Variants in ANK2 observed in about 807,000 individuals in gnomAD.
The protein encoded by ANK2 is ankyrin-2.
A neutral mutation model predicts 360.5 loss-of-function variants in ANK2; 83 were observed. The ratio of observed to expected loss-of-function variants is 0.23; its 90% CI spans 0.19 to 0.28. The LOEUF (loss-of-function observed/expected upper bound fraction) is 0.28, where lower values mean the gene tolerates loss of function less well. Among genes scored for constraint, ANK2 ranks in the 10% least tolerant of loss-of-function variants. ANK2 has a pLI of 1.00. For missense variants in ANK2, 4,201 were observed against 4,795.7 expected, an observed-to-expected ratio of 0.88 and a Z score of 3.66; for synonymous variants, 1,740 against 1,759.5, an observed-to-expected ratio of 0.99 and a Z score of 0.28.
chr4:112,877,383 C>T (rs943840642), intron 1 of ANK2, among the ~76,000 whole-genome samples: 2 of 152,170 alleles, frequency 1.3e-5, no homozygotes, highest in African/African-American at 2.4e-5. Flanking sequence ...TAGCATCTTA[C>T]CTGTCATCCA....
chr4:112,888,893 T>G (rs1389343843), intron 1 of ANK2, among the ~76,000 whole-genome samples: 2 of 152,180 alleles, frequency 1.3e-5, no homozygotes, highest in African/African-American at 4.8e-5. Flanking sequence ...AGAGGATGAT[T>G]CAGAATGCTG....
chr4:113,094,532 GTGTGTGCATGCA>G (rs2090128150), intron 1 of ANK2, among the ~76,000 whole-genome samples: 1 of 151,856 alleles, frequency 6.6e-6, no homozygotes, highest in East Asian at 2.0e-4. Context: ...GTGTGTGTGT[GTGTGTGCATGCA>G]TGTGTGTGCG....
the ANK2 span, among the ~76,000 whole-genome samples, chr4:112,777,803 A>T: frequency 6.6e-6 from 1 of 150,894 alleles, no homozygotes; most frequent in Admixed American, 6.6e-5. Context: ...TTTTTAATAG[A>T]GATGGGGTTT....
In ANK2 at chr4:113,360,918, G is replaced by T; in HGVS notation, c.10756+21G>T. On this transcript the variant is annotated intron_variant, in intron 39 of 45. Coordinates refer to ENST00000357077, the MANE Select transcript of ANK2 (RefSeq NM_001148.6). ...GACAGGTAAAAAGAATGTGACCCAGGTTTTCAACAAAACCTGACATAGATG... is the reference window on the plus strand; with the variant it reads ...GACAGGTAAAAAGAATGTGACCCAGTTTTTCAACAAAACCTGACATAGATG... The T allele has an allele frequency of 2.5e-6, 4 of 1,607,100 alleles. No homozygotes were observed. The South Asian group carries it at 4.4e-5, about 18-fold the overall frequency.
intron 4 of ANK2, among the ~76,000 whole-genome samples, chr4:113,200,006 A>G (rs1343328670): frequency 2.6e-5 from 4 of 152,342 alleles, no homozygotes; most frequent in Middle Eastern, 6.8e-3. Context: ...TAGAAAATAC[A>G]AAAGGCAATG....
chr4:113,140,873 G>A (rs145158664), intron 1 of ANK2, among the ~76,000 whole-genome samples: 15,728 of 152,046 alleles, frequency 0.1, 1,004 homozygotes, highest in Non-Finnish European at 0.15. Flanking sequence ...TGCTACTTGG[G>A]AGGCTGAGGC....
At chr4:112,761,955 A>G in the ANK2 span, among the ~76,000 whole-genome samples, 2 of 152,260 alleles carry the variant, frequency 1.3e-5, no homozygotes, top group Non-Finnish European at 2.9e-5. Flanking sequence ...TGTTGTAGGA[A>G]TACAGAGAAG....
rs2066598790 is a variant in ANK2, at chr4:112,856,998, AG to A, written c.-40+38736del. Among the ~76,000 whole-genome samples, 4 of 152,236 alleles carry A rather than the reference AG, an allele frequency of 2.6e-5. No individual in the cohort carries two copies. In the South Asian group the frequency reaches 8.3e-4, roughly 32 times the overall value. ...CAGGAACTTTGCAGAAGGCAGGGCA[AG>A]GTAATCAAATATCAAGGATGGAGAG... On this transcript the variant is annotated intron_variant, in intron 1 of 30. Transcript: ENST00000503271.
intron 1 of ANK2, among the ~76,000 whole-genome samples, chr4:113,072,953 C>CTTTTTTTTT (rs77468290): frequency 3.4e-5 from 2 of 59,408 alleles, no homozygotes; most frequent in South Asian, 5.4e-4. Flanking sequence ...AGGACAGTGT[C>CTTTTTTTTT]TTTTTTTTTT....
intron 1 of ANK2, among the ~76,000 whole-genome samples, chr4:113,159,792 G>T (rs1253805033): frequency 6.9e-6 from 1 of 144,540 alleles, no homozygotes; most frequent in East Asian, 2.1e-4. Context: ...ATATATATAT[G>T]TATTTTTGTA....
At chr4:113,285,561 C>T (rs1346871539) in intron 18 of ANK2, among the ~76,000 whole-genome samples, 1 of 152,132 alleles carries the variant, frequency 6.6e-6, no homozygotes, top group Non-Finnish European at 1.5e-5. Context: ...GATGAGGAGA[C>T]ACATAGGGCA....
intron 2 of ANK2, among the ~76,000 whole-genome samples, chr4:112,924,337 C>T (rs2092192050): frequency 6.7e-6 from 1 of 149,436 alleles, no homozygotes; most frequent in African/African-American, 2.5e-5. Context: ...CACTGCACTC[C>T]AGCCTGGGAG....
intron 2 of ANK2, among the ~76,000 whole-genome samples, chr4:112,951,320 T>C (rs1488202163): frequency 1.3e-5 from 2 of 152,272 alleles, no homozygotes; most frequent in South Asian, 2.1e-4. Flanking sequence ...AATGATGTTA[T>C]AGATCTGTGT....
intron 2 of ANK2, among the ~76,000 whole-genome samples, chr4:112,934,730 C>G (rs2093587718): frequency 6.6e-6 from 1 of 152,126 alleles, no homozygotes; most frequent in Admixed American, 6.5e-5. Context: ...AATAAAATAT[C>G]CTTGCTTTCA....
At chr4:113,149,702 C>T (rs999478548) in intron 1 of ANK2, among the ~76,000 whole-genome samples, 19 of 151,346 alleles carry the variant, frequency 1.3e-4, no homozygotes, top group Admixed American at 1.2e-3. Flanking sequence ...TGGCAGGACC[C>T]TGTTTCTACA....
chr4:113,061,980 CTTA>C (rs1390647927), intron 1 of ANK2, among the ~76,000 whole-genome samples: 1 of 151,978 alleles, frequency 6.6e-6, no homozygotes, highest in Non-Finnish European at 1.5e-5. Flanking sequence ...AACATATACA[CTTA>C]TTATGTACCC....
Position 113,145,784 on chromosome 4 carries a change from C to A in ANK2, c.85-28632C>A, listed in dbSNP as rs1033021989. 2.4e-6 allele frequency: 3 copies of A among 1,242,360 alleles called. No homozygotes were observed. The African/African-American group carries it at 4.6e-5, about 19-fold the overall frequency. The allele number at this position is 1,242,360 out of a possible 1,614,324, so 77.0% of individuals were successfully genotyped here. A position where few individuals can be genotyped will look rare whatever the true frequency, so the allele number is the denominator to read the frequency against. The stretch of plus-strand genomic sequence containing the variant: ...AGCCAAGGATCATCTTGATGAATTG[C>A]CCACATTAGTGTACCCCTGGGAGCC... On this transcript the variant is annotated intron_variant, in intron 1 of 45. Coordinates refer to ENST00000357077, the MANE Select transcript of ANK2 (RefSeq NM_001148.6).
At chr4:113,255,311 C>G (rs532707553) in intron 10 of ANK2, among the ~76,000 whole-genome samples, 1 of 152,236 alleles carries the variant, frequency 6.6e-6, no homozygotes, top group South Asian at 2.1e-4. Context: ...GACCTGCCCA[C>G]TTGCTTCTCA....
At chr4:112,776,792 A>T in the ANK2 span, among the ~76,000 whole-genome samples, 1 of 152,244 alleles carries the variant, frequency 6.6e-6, no homozygotes, top group Non-Finnish European at 1.5e-5. Context: ...AGGAAGTTTC[A>T]TAAGAAAACT....
Sources: allele counts gnomAD v4.1 joint callset (sites outside exome capture counted in the v4.1 genomes callset), GRCh38; gene constraint gnomAD v4.1.1; transcripts MANE v1.5; gene names NCBI Gene and HGNC (gene_info 2026-07-23, HGNC 2026-07-21).